The following USE1 variants were observed in gnomAD, a reference collection of about 807,000 sequenced individuals.
The protein encoded by USE1 is vesicle transport protein USE1.
Under a neutral mutation model 37.6 loss-of-function variants are expected in USE1, and 32 were observed. That is an observed-to-expected ratio of 0.85 (90% CI 0.64 to 1.14). The LOEUF (loss-of-function observed/expected upper bound fraction) is 1.14. USE1 is among the 50% of genes most tolerant of loss of function. USE1 has a pLI of 0.00. For missense variants in USE1, 310 were observed against 332.2 expected (o/e 0.93, Z 0.52); for synonymous variants, 149 against 137.6 (o/e 1.08, Z -0.58).
chr19:17,216,782 C>G (rs966699444), intron 4 of USE1, among the ~76,000 whole-genome samples: 4 of 151,958 alleles, frequency 2.6e-5, no homozygotes, highest in Non-Finnish European at 4.4e-5. Flanking sequence ...GAGTTAAGAC[C>G]AGCCTGACCA....
At chr19:17,219,147 T>C (rs1030723472) in intron 6 of USE1, 66 bp from the exon 7 acceptor site, 1 of 1,462,402 alleles carries the variant, frequency 6.8e-7, no homozygotes, top group Non-Finnish European at 9.1e-7. Context: ...AAAAAGAAAA[T>C]GTGTTGGTCT....
At position 17,215,436 on chromosome 19, in the gene USE1, G is replaced by T; in HGVS notation, c.31G>T (p.Val11Leu). 1.3e-6 allele frequency: 2 copies of T among 1,562,574 alleles called. No individual in the cohort carries two copies. The highest frequency in any genetic ancestry group is 8.7e-7 in the Non-Finnish European group (1 of 1,155,012). Reference sequence around the variant, plus strand: ...GGCGTCGAGGCTGGAGCTAAACCTGGTGCGGCTGCTATCCCGCTGCGAGGC... The same window carrying T: ...GGCGTCGAGGCTGGAGCTAAACCTGTTGCGGCTGCTATCCCGCTGCGAGGC... MAASRLELNL[V>L]RLLSRCEAMA... The change falls in exon 1 of 8, where the codon GTG (valine) becomes TTG (leucine). Residue 11 changes from valine (V) to leucine (L), a missense_variant. Transcript: ENST00000263897.
chr19:17,217,702 A>C, intron 5 of USE1: 1 of 563,052 alleles, frequency 1.8e-6, no homozygotes. Flanking sequence ...ACCTGAGGTC[A>C]GGAGTTTGAG....
chr19:17,216,287 ACAC>A lies in USE1; in HGVS notation c.353_355del (p.Thr118del). 1 of 1,612,902 alleles carries A rather than the reference ACAC, an allele frequency of 6.2e-7. No homozygotes were observed. The highest frequency in any genetic ancestry group is 1.1e-5 in the South Asian group (1 of 91,086). ...GTGCATCTGCAGTCACGGGCGCGGTACACCAGCGAGATGCGGAGTGAGCTACTA... is the reference window on the plus strand; with the variant it reads ...GTGCATCTGCAGTCACGGGCGCGGTACAGCGAGATGCGGAGTGAGCTACTA... On this transcript the variant is annotated inframe_deletion, in exon 4 of 8. Transcript: ENST00000263897.
intron 7 of USE1, 54 bp from the exon 8 acceptor site, chr19:17,219,577 G>A: frequency 6.5e-7 from 1 of 1,539,678 alleles, no homozygotes; most frequent in Non-Finnish European, 8.8e-7. Context: ...GGGAAGTAGA[G>A]AGAGGCCATT....
chr19:17,218,333 G>A (rs747756899), intron 5 of USE1, 31 bp from the exon 6 acceptor site: 53 of 1,613,216 alleles, frequency 3.3e-5, no homozygotes, highest in South Asian at 4.4e-5. Flanking sequence ...ACCAACACTC[G>A]CCTTTTTTGC....
intron 6 of USE1, chr19:17,218,826 CAAA>C (rs34769436): frequency 9.8e-4 from 66 of 67,066 alleles, no homozygotes; most frequent in South Asian, 5.5e-3. Flanking sequence ...GATGCTGTCT[CAAA>C]AAAAAAAAAA....
At chr19:17,218,906 A>C (rs965017513) in intron 6 of USE1, 34 of 191,764 alleles carry the variant, frequency 1.8e-4, no homozygotes, top group African/African-American at 7.5e-4. Flanking sequence ...AGGCAGGTGG[A>C]TCACGAGGTC....
In USE1 at chr19:17,216,317, G is replaced by A. The variant is rs746795479; in HGVS notation, c.380G>A (p.Gly127Asp). ...AGCGAGATGCGGAGTGAGCTACTAG[G>A]CACGGTAGGGCTCCTTCCCTGGTCC... ...YTSEMRSELL[G>D]TDSAEPEMDV... is the part of the protein sequence containing the mutation. Residue 127 changes from glycine to aspartate, a missense_variant, in exon 4 of 8, where the codon GGC (glycine) becomes GAC (aspartate). By Grantham distance (94) the Gly-to-Asp change is moderately conservative. Coordinates refer to ENST00000263897, the MANE Select transcript of USE1 (RefSeq NM_018467.4). The A allele has an allele frequency of 5.1e-5, 82 of 1,609,926 alleles. No individual in the cohort carries two copies. The highest frequency in any genetic ancestry group is 6.3e-5 in the Non-Finnish European group (74 of 1,177,642).
intron 5 of USE1, 86 bp from the exon 6 acceptor site, chr19:17,218,278 C>T: frequency 6.4e-7 from 1 of 1,574,136 alleles, no homozygotes; most frequent in East Asian, 2.3e-5. Context: ...GCATTCCAAG[C>T]AGTAGACCCA....
At chr19:17,217,902 A>G in intron 5 of USE1, 1 of 326,730 alleles carries the variant, frequency 3.1e-6, no homozygotes. Flanking sequence ...ACAGAGCAAG[A>G]CTCCGTCTCA....
Position 17,216,218 on chromosome 19 carries a change from G to T in USE1, c.281G>T (p.Arg94Leu), listed in dbSNP as rs568588586. Residue 94 changes from arginine (R) to leucine (L), a missense_variant, in exon 4 of 8, where the codon CGT (arginine) becomes CTT (leucine). Arg to Leu is a moderately radical substitution (Grantham distance 102). Coordinates refer to ENST00000263897, the MANE Select transcript of USE1 (RefSeq NM_018467.4). Reference protein sequence around the residue: ...ALANQFLAPGRVPTTARERVP... With the variant: ...ALANQFLAPGLVPTTARERVP... ...GCCAACCAGTTCCTGGCCCCTGGCC[G>T]TGTGCCAACCACAGCCAGAGAGCGA... The T allele has an allele frequency of 1.2e-6, 2 of 1,612,694 alleles. No individual in the cohort carries two copies. The highest frequency in any genetic ancestry group is 2.7e-5 in the African/African-American group (2 of 74,936).
Position 17,216,062 on chromosome 19 carries a change from G to C in USE1, c.223G>C (p.Glu75Gln), listed in dbSNP as rs757329509. 2 of 1,612,466 alleles carry C rather than the reference G, an allele frequency of 1.2e-6. No individual in the cohort carries two copies. The highest frequency in any genetic ancestry group is 1.3e-5 in the African/African-American group (1 of 74,894). ...VDFLKGMLQAEKLTSSSEKAL... is the reference protein window; with the variant it reads ...VDFLKGMLQAQKLTSSSEKAL... ...TTTTCTGAAGGGGATGCTGCAAGCC[G>C]AGAAGCTGGTGAGAAGGGGTGCCCC... Residue 75 changes from glutamate (E) to glutamine (Q), a missense_variant, in exon 3 of 8, where the codon GAG becomes CAG. Physicochemically the swap from Glu to Gln is conservative, Grantham distance 29 (BLOSUM62 2). Coordinates refer to ENST00000263897, the MANE Select transcript of USE1 (RefSeq NM_018467.4).
intron 2 of USE1, 58 bp from the exon 3 acceptor site, chr19:17,215,934 C>T: frequency 1.3e-6 from 2 of 1,582,400 alleles, no homozygotes; most frequent in Admixed American, 1.8e-5. Context: ...CCAGCTGGGA[C>T]CCTTCCCTGA....
rs1241910969 is a variant in USE1, at chr19:17,219,117, ACT to A, written c.423-93_423-92del. The A allele has an allele frequency of 9.0e-6, 13 of 1,451,730 alleles. No homozygotes were observed. In the Admixed American group the frequency reaches 9.9e-5, roughly 11 times the overall value. 89.9% of individuals were successfully genotyped at this position (1,451,730 alleles called of 1,614,324 possible). A position where few individuals can be genotyped will look rare whatever the true frequency, so the allele number is the denominator to read the frequency against. The stretch of plus-strand genomic sequence containing the variant: ...ACTCCAGCCTGGGCAACAGAACGAG[ACT>A]CTGTATCAAAAAAAAAAAAAAAGAA... On this transcript the variant is annotated intron_variant, in intron 6 of 7. Coordinates refer to ENST00000263897, the MANE Select transcript of USE1 (RefSeq NM_018467.4).
intron 7 of USE1, 38 bp downstream of exon 7, chr19:17,219,425 G>A: frequency 1.3e-6 from 2 of 1,526,890 alleles, no homozygotes; most frequent in Non-Finnish European, 1.8e-6. Flanking sequence ...CTCTGCCCTG[G>A]GGCATCAGAG....
At chr19:17,217,935 T>G in intron 5 of USE1, 1 of 346,074 alleles carries the variant, frequency 2.9e-6, no homozygotes, top group Non-Finnish European at 5.6e-6. Flanking sequence ...GCAAAAAAAT[T>G]AGCCAGGCGT....
chr19:17,215,905 A>C, intron 2 of USE1, 54 bp downstream of exon 2: 1 of 1,587,632 alleles, frequency 6.3e-7, no homozygotes, highest in Non-Finnish European at 8.6e-7. Flanking sequence ...GTGCTACTGG[A>C]CATCCCAGTA....
intron 5 of USE1, chr19:17,217,756 A>G: frequency 2.1e-6 from 1 of 465,306 alleles, no homozygotes; most frequent in South Asian, 1.6e-5. Context: ...TACTAAAAAT[A>G]CAAAACTTAG....
Sources: gnomAD v4.1 joint callset for allele counts (sites outside exome capture counted in the v4.1 genomes callset) on GRCh38, gnomAD v4.1.1 for gene constraint, MANE v1.5 for transcripts, NCBI Gene and HGNC (gene_info 2026-07-23, HGNC 2026-07-21) for gene names.